Variants in GRM7 observed in about 807,000 individuals in gnomAD.
GRM7 encodes the protein metabotropic glutamate receptor 7.
Under a neutral mutation model 84.5 loss-of-function variants are expected in GRM7, and 35 were observed. That is an observed-to-expected ratio of 0.41 (90% CI 0.32 to 0.55). GRM7 has a LOEUF of 0.55. GRM7 is among the 20% of genes least tolerant of loss of function. The probability of loss-of-function intolerance (pLI) is 0.19; values close to 1 mark genes in which losing one functional copy is unlikely to be tolerated. For synonymous variants in GRM7, 487 were observed against 455.1 expected, an observed-to-expected ratio of 1.07 and a Z score of -0.89; for missense variants, 1,003 against 1,194.6, an observed-to-expected ratio of 0.84 and a Z score of 2.36.
chr3:7,044,026 T>C (rs6771606), intron 1 of GRM7, among the ~76,000 whole-genome samples: 37,949 of 152,158 alleles, frequency 0.25, 5,079 homozygotes, highest in African/African-American at 0.32. Context: ...TCATTAACTT[T>C]AGCTCATCAC....
intron 2 of GRM7, among the ~76,000 whole-genome samples, chr3:7,290,637 C>T (rs9861591): frequency 0.022 from 3,329 of 152,182 alleles, 98 homozygotes; most frequent in African/African-American, 0.066. Context: ...CATTCAGTTT[C>T]CTGTGGTTTG....
intron 9 of GRM7, among the ~76,000 whole-genome samples, chr3:7,706,808 G>C (rs1701403184): frequency 6.6e-6 from 1 of 152,126 alleles, no homozygotes; most frequent in African/African-American, 2.4e-5. Flanking sequence ...CTGACACCAT[G>C]TGACCCAAAG....
chr3:7,739,808 T>A (rs1702629078), intron 9 of GRM7, among the ~76,000 whole-genome samples: 2 of 152,214 alleles, frequency 1.3e-5, no homozygotes, highest in Non-Finnish European at 2.9e-5. Flanking sequence ...AAGTGAGCTT[T>A]ACATCTTAAT....
chr3:7,364,390 T>C (rs1286340570), intron 4 of GRM7, among the ~76,000 whole-genome samples: 1 of 151,890 alleles, frequency 6.6e-6, no homozygotes, highest in Non-Finnish European at 1.5e-5. Context: ...GATGAGTGTC[T>C]TATAAGCAGT....
At chr3:6,974,558 A>G (rs1693912441) in intron 1 of GRM7, among the ~76,000 whole-genome samples, 1 of 152,186 alleles carries the variant, frequency 6.6e-6, no homozygotes, top group Non-Finnish European at 1.5e-5. Flanking sequence ...AGGCTGCTGA[A>G]GAGGAGCCTC....
At chr3:7,644,196 A>ATATG (rs1698511116) in intron 8 of GRM7, among the ~76,000 whole-genome samples, 1 of 3,192 alleles carries the variant, frequency 3.1e-4, no homozygotes, top group African/African-American at 4.1e-3. Context: ...GTCTGTACGT[A>ATATG]TATATATATG....
At chr3:7,492,215 A>C (rs1699544893) in intron 7 of GRM7, among the ~76,000 whole-genome samples, 1 of 152,170 alleles carries the variant, frequency 6.6e-6, no homozygotes, top group Non-Finnish European at 1.5e-5. Context: ...GAGTAAAACG[A>C]GCTTTCATAA....
At chr3:7,064,479 TACACAC>T (rs372086997) in intron 1 of GRM7, among the ~76,000 whole-genome samples, 1,051 of 96,254 alleles carry the variant, frequency 0.011, 3 homozygotes, top group Middle Eastern at 0.039. Context: ...TATATATATA[TACACAC>T]ATATACATAT....
chr3:7,344,090 G>GTT (rs546442588), intron 4 of GRM7, among the ~76,000 whole-genome samples: 9 of 146,700 alleles, frequency 6.1e-5, no homozygotes, highest in Non-Finnish European at 1.1e-4. Flanking sequence ...ATCAAATCAT[G>GTT]TTTTTTTTTT....
At chr3:7,059,471 A>G (rs1390469306) in intron 1 of GRM7, among the ~76,000 whole-genome samples, 3 of 151,824 alleles carry the variant, frequency 2.0e-5, no homozygotes, top group African/African-American at 7.2e-5. Context: ...ATCTAAACAC[A>G]TTAAAAGATT....
chr3:7,091,211 CAA>C (rs36113765), intron 1 of GRM7, among the ~76,000 whole-genome samples: 2 of 137,148 alleles, frequency 1.5e-5, no homozygotes, highest in Non-Finnish European at 1.6e-5. Flanking sequence ...AGTGAAGTAC[CAA>C]AAAAAAAAAA....
At chr3:7,099,224 C>T (rs922160729) in intron 1 of GRM7, among the ~76,000 whole-genome samples, 3 of 114,478 alleles carry the variant, frequency 2.6e-5, no homozygotes, top group East Asian at 2.2e-4. Flanking sequence ...TATAATAATA[C>T]ATGTATTATA....
intron 1 of GRM7, among the ~76,000 whole-genome samples, chr3:6,973,448 T>A (rs964232686): frequency 6.6e-5 from 10 of 152,094 alleles, no homozygotes; most frequent in Admixed American, 4.6e-4. Flanking sequence ...AACACACACA[T>A]GTAAATTTGT....
At chr3:7,223,182 A>T (rs1696867714) in intron 2 of GRM7, among the ~76,000 whole-genome samples, 1 of 151,992 alleles carries the variant, frequency 6.6e-6, no homozygotes, top group Admixed American at 6.6e-5. Context: ...AAATTTCCTT[A>T]TATTAGACTT....
At chr3:7,708,471 A>T (rs1701470477) in intron 9 of GRM7, among the ~76,000 whole-genome samples, 1 of 152,082 alleles carries the variant, frequency 6.6e-6, no homozygotes, top group Non-Finnish European at 1.5e-5. Context: ...TTCCTGAGAG[A>T]GGTGACGTCT....
Position 6,884,589 on chromosome 3 carries a change from A to G in GRM7, c.519+22682A>G, listed in dbSNP as rs1203354838. Among the ~76,000 whole-genome samples the G allele has an allele frequency of 2.0e-5, 3 of 151,508 alleles. No individual in the cohort carries two copies. In the East Asian group the frequency reaches 5.8e-4, roughly 29 times the overall value. The stretch of plus-strand genomic sequence containing the variant: ...AAGTCACTACACTGTCTTGGACACA[A>G]TTTTCTTTTCCTCTTTATTTTTTTT... On this transcript the variant is annotated intron_variant, in intron 1 of 9. Transcript: ENST00000357716.
intron 1 of GRM7, among the ~76,000 whole-genome samples, chr3:7,007,311 AC>A (rs1343645542): frequency 6.6e-6 from 1 of 152,186 alleles, no homozygotes; most frequent in Non-Finnish European, 1.5e-5. Context: ...ATTAAATGGA[AC>A]GGTTTCTATA....
chr3:7,740,575 T>C lies in GRM7; in HGVS notation c.*169T>C, dbSNP rs978902993. On this transcript the variant is annotated 3_prime_UTR_variant, in exon 10 of 10. Transcript: ENST00000357716. ...CGACCTAAACAGCTGCTTTATGAAA[T>C]ATCCTTACTTTATCTGGGCTTAATA... The C allele has an allele frequency of 1.3e-5, 6 of 466,700 alleles. No homozygotes were observed. Among genetic ancestry groups the C allele is most frequent in the Non-Finnish European group, 1.9e-5 (5 of 261,230 alleles). The allele number at this position is 466,700 out of a possible 1,614,324, so 28.9% of individuals were successfully genotyped here. A position where few individuals can be genotyped will look rare whatever the true frequency, so the allele number is the denominator to read the frequency against.
chr3:7,096,896 A>G (rs1698878140), intron 1 of GRM7, among the ~76,000 whole-genome samples: 1 of 152,190 alleles, frequency 6.6e-6, no homozygotes, highest in Non-Finnish European at 1.5e-5. Flanking sequence ...GATACTCTTC[A>G]TTAAAATCAT....
Sources: allele counts gnomAD v4.1 joint callset (sites outside exome capture counted in the v4.1 genomes callset), GRCh38; gene constraint gnomAD v4.1.1; transcripts MANE v1.5; gene names NCBI Gene and HGNC (gene_info 2026-07-23, HGNC 2026-07-21).